USP31: variants seen among roughly 807,000 people sequenced by gnomAD.
USP31 encodes the protein ubiquitin specific peptidase 31.
A neutral mutation model predicts 119.4 loss-of-function variants in USP31; 44 were observed. That is an observed-to-expected ratio of 0.37 (90% CI 0.29 to 0.47). The LOEUF is 0.47. USP31 is among the 20% of genes least tolerant of loss of function. The pLI is 0.99. For synonymous variants in USP31, 749 were observed against 705.6 expected, an observed-to-expected ratio of 1.06 and a Z score of -0.97; for missense variants, 1,643 against 1,730.2, an observed-to-expected ratio of 0.95 and a Z score of 0.89.
chr16:23,070,257 G>A lies in USP31; in HGVS notation c.2489-641C>T, dbSNP rs1376521214. ...ACCAAGATTACACAACTCATTAAAG[G>A]AAGAGCTAATACCAGAACCCAGAAC... is the stretch of plus-strand genomic sequence containing the variant. On this transcript the variant is annotated intron_variant, in intron 15 of 15. Transcript: ENST00000219689. Among the ~76,000 whole-genome samples the A allele has an allele frequency of 2.0e-5, 3 of 152,104 alleles. No homozygotes were observed. In the East Asian group the frequency reaches 5.8e-4, roughly 29 times the overall value.
chr16:23,114,110 A>G (rs1902412189), intron 1 of USP31, among the ~76,000 whole-genome samples: 1 of 152,118 alleles, frequency 6.6e-6, no homozygotes, highest in African/African-American at 2.4e-5. Flanking sequence ...TACTCAAAAA[A>G]AAAAAAATGG....
At chr16:23,143,731 G>C (rs1308008328) in intron 1 of USP31, among the ~76,000 whole-genome samples, 2 of 152,146 alleles carry the variant, frequency 1.3e-5, no homozygotes, top group African/African-American at 4.8e-5. Flanking sequence ...TGACACTTTG[G>C]GGTGAAAACC....
At chr16:23,071,085 A>G (rs1167062849) in intron 15 of USP31, among the ~76,000 whole-genome samples, 2 of 152,198 alleles carry the variant, frequency 1.3e-5, no homozygotes, top group African/African-American at 2.4e-5. Flanking sequence ...AGATGTGAGG[A>G]GCCGGAAGGA....
At chr16:23,139,628 C>G (rs1204112226) in intron 1 of USP31, among the ~76,000 whole-genome samples, 1 of 152,098 alleles carries the variant, frequency 6.6e-6, no homozygotes, top group East Asian at 1.9e-4. Context: ...GGCCTCAGAC[C>G]TTCTAAATAT....
At chr16:23,143,877 G>C (rs1352351225) in intron 1 of USP31, among the ~76,000 whole-genome samples, 3 of 152,158 alleles carry the variant, frequency 2.0e-5, no homozygotes, top group African/African-American at 7.2e-5. Flanking sequence ...AATGTCCCAG[G>C]GGGTGGGGGC....
chr16:23,129,819 T>G (rs1358614682), intron 1 of USP31, among the ~76,000 whole-genome samples: 1 of 152,162 alleles, frequency 6.6e-6, no homozygotes, highest in East Asian at 1.9e-4. Flanking sequence ...TTAGGGGAAC[T>G]TTAATGTAAG....
intron 1 of USP31, among the ~76,000 whole-genome samples, chr16:23,113,058 A>G (rs1902375213): frequency 6.6e-6 from 1 of 152,144 alleles, no homozygotes; most frequent in Admixed American, 6.5e-5. Flanking sequence ...TAAAAAAAAC[A>G]TCATTAGCAC....
At chr16:23,103,893 C>A (rs1901985763) in intron 5 of USP31, among the ~76,000 whole-genome samples, 3 of 152,160 alleles carry the variant, frequency 2.0e-5, no homozygotes, top group Non-Finnish European at 1.5e-5. Context: ...CCAGCCTGGG[C>A]AACAGAGTGA....
At chr16:23,124,814 G>A (rs1382470303) in intron 1 of USP31, among the ~76,000 whole-genome samples, 7 of 152,130 alleles carry the variant, frequency 4.6e-5, no homozygotes, top group African/African-American at 1.2e-4. Flanking sequence ...GCTTGAACCC[G>A]GGAGGTGGAG....
chr16:23,105,494 C>T lies in USP31; in HGVS notation c.1036G>A (p.Val346Ile), dbSNP rs758732959. 3 of 1,614,140 alleles carry T rather than the reference C, an allele frequency of 1.9e-6. No individual in the cohort carries two copies. The highest frequency in any genetic ancestry group is 2.2e-5 in the South Asian group (2 of 91,064). ...IGVAVPLSGT[V>I]ARLREAVSME... ...GACACTGCTTCCCGAAGTCTGGCGA[C>T]AGTCCCAGACAGAGGTACGGCCACA... is the stretch of plus-strand genomic sequence containing the variant. The change falls in exon 5 of 16, where the codon GTC (valine) becomes ATC (isoleucine). Residue 346 changes from valine to isoleucine, a missense_variant. This residue lies in a region of USP31 where 144 missense variants were observed against 218.0 expected (regional missense o/e 0.66). Transcript: ENST00000219689.
chr16:23,137,814 G>A (rs937850147), intron 1 of USP31, among the ~76,000 whole-genome samples: 6 of 149,590 alleles, frequency 4.0e-5, no homozygotes, highest in African/African-American at 1.5e-4. Context: ...AAAAGAGTAG[G>A]GAGGAAAACG....
At chr16:23,079,128 G>C (rs1900708813) in intron 13 of USP31, 1 of 152,202 alleles carries the variant, frequency 6.6e-6, no homozygotes, top group Non-Finnish European at 1.5e-5. Flanking sequence ...AAAACTTGTA[G>C]AGATGGATAG....
Position 23,097,205 on chromosome 16 carries a change from T to A in USP31, c.1234+5114A>T, listed in dbSNP as rs535936961. The stretch of plus-strand genomic sequence containing the variant: ...AATACAAACTACCATCAGAGAATAC[T>A]ATAAACACCTCTACACAAATAAACT... On this transcript the variant is annotated intron_variant, in intron 6 of 15. Coordinates refer to ENST00000219689, the MANE Select transcript of USP31 (RefSeq NM_020718.4). Among the ~76,000 whole-genome samples, 1,057 of 152,238 alleles carry A rather than the reference T, an allele frequency of 6.9e-3. 9 individuals carry two copies. Among genetic ancestry groups the A allele is most frequent in the Non-Finnish European group, 6.6e-3 (449 of 68,018 alleles).
At position 23,062,607 on chromosome 16, in the gene USP31, C is replaced by G. The variant is rs922686782; in HGVS notation, c.*5439G>C. ...GAAGGTTGTTTCTTTTCTTCTTCGA[C>G]AATTTCTAGCTCAGAGTGACTTCCC... On this transcript the variant is annotated 3_prime_UTR_variant, in exon 16 of 16. Coordinates refer to ENST00000219689, the MANE Select transcript of USP31 (RefSeq NM_020718.4). 4 of 152,512 alleles carry G rather than the reference C, an allele frequency of 2.6e-5. No homozygotes were observed. The highest frequency in any genetic ancestry group is 7.2e-5 in the African/African-American group (3 of 41,448). The allele number at this position is 152,512 out of a possible 1,614,324, so 9.4% of individuals were successfully genotyped here. A position where few individuals can be genotyped will look rare whatever the true frequency, so the allele number is the denominator to read the frequency against.
chr16:23,074,528 A>G (rs1455228361), intron 13 of USP31, among the ~76,000 whole-genome samples: 2 of 152,198 alleles, frequency 1.3e-5, no homozygotes, highest in Non-Finnish European at 2.9e-5. Flanking sequence ...AGGTTGAAAA[A>G]GATTAATCTG....
In USP31 at chr16:23,068,515, C is replaced by T. The variant is rs142891296; in HGVS notation, c.3590G>A (p.Arg1197Gln). 1.2e-3 allele frequency: 1,975 copies of T among 1,613,826 alleles called. 6 individuals are homozygous for T. Among genetic ancestry groups the T allele is most frequent in the Middle Eastern group, 1.7e-3 (10 of 6,046 alleles). The stretch of plus-strand genomic sequence containing the variant: ...GCGCAGGCTGGCCATGGAGGAGCTC[C>T]GCACGTGCTTCCCGGCCCCCCTGCC... ...GEGRGAGKHV[R>Q]SSSMASLRSP... The change falls in exon 16 of 16, where the codon CGG (arginine) becomes CAG (glutamine). Residue 1197 changes from arginine (R) to glutamine (Q), a missense_variant. Physicochemically the swap from Arg to Gln is conservative, Grantham distance 43 (BLOSUM62 1). Around this residue, in one of 5 missense-constraint regions of USP31, gnomAD observed 699 missense variants for 650.9 expected, o/e 1.07. Transcript: ENST00000219689.
chr16:23,137,024 G>C (rs1222081455), intron 1 of USP31, among the ~76,000 whole-genome samples: 2 of 152,114 alleles, frequency 1.3e-5, no homozygotes, highest in African/African-American at 4.8e-5. Context: ...ACCAGCCTAG[G>C]CAACAAGGTA....
intron 6 of USP31, among the ~76,000 whole-genome samples, chr16:23,100,677 G>A (rs1457577005): frequency 6.6e-6 from 1 of 152,152 alleles, no homozygotes; most frequent in Non-Finnish European, 1.5e-5. Flanking sequence ...GGAGGCTAAG[G>A]TTGCGGTGAG....
At position 23,148,954 on chromosome 16, in the gene USP31, GGCGGCGGCGTGGGC is replaced by G; in HGVS notation, c.303_316del (p.Pro102ValfsTer65). On this transcript the variant is annotated frameshift_variant, in exon 1 of 16. Coordinates refer to ENST00000219689, the MANE Select transcript of USP31 (RefSeq NM_020718.4). LOFTEE classifies it high-confidence loss of function. ...GGGAGAGGCGGGCGGCGGCGGGCAC[GGCGGCGGCGTGGGC>G]GCGGCGGCCGGCCCGGGCGGGAAGC... The G allele has an allele frequency of 3.9e-6, 4 of 1,038,460 alleles. No individual in the cohort carries two copies. The highest frequency in any genetic ancestry group is 4.6e-6 in the Non-Finnish European group (4 of 862,394). The allele number at this position is 1,038,460 out of a possible 1,614,324, so 64.3% of individuals were successfully genotyped here. A position where few individuals can be genotyped will look rare whatever the true frequency, so the allele number is the denominator to read the frequency against.
Sources: gnomAD v4.1 joint callset for allele counts (sites outside exome capture counted in the v4.1 genomes callset) on GRCh38, gnomAD v4.1.1 for gene constraint, gnomAD v4.1.1 regional missense constraint, MANE v1.5 for transcripts, NCBI Gene and HGNC (gene_info 2026-07-23, HGNC 2026-07-21) for gene names.